Variants in AXDND1 observed in about 807,000 individuals in gnomAD.
The protein encoded by AXDND1 is axonemal dynein light chain domain containing 1, also known as axonemal dynein light chain domain-containing protein 1.
A neutral mutation model predicts 137.5 loss-of-function variants in AXDND1; 110 were observed. That is an observed-to-expected ratio of 0.80 (90% CI 0.69 to 0.94). AXDND1 has a LOEUF of 0.94. Ranked by LOEUF, AXDND1 falls within the 40% of genes least tolerant of loss-of-function variation. The pLI is 0.00. For synonymous variants in AXDND1, 414 were observed against 399.7 expected (o/e 1.04, Z -0.43); for missense variants, 1,191 against 1,169.8 (o/e 1.02, Z -0.26).
intron 16 of AXDND1, among the ~76,000 whole-genome samples, chr1:179,466,285 C>CTTTT (rs143320609): frequency 2.3e-5 from 2 of 87,800 alleles, no homozygotes; most frequent in East Asian, 3.2e-4. Flanking sequence ...TCTTCTTCTT[C>CTTTT]TTTTTTTTTT....
intron 11 of AXDND1, among the ~76,000 whole-genome samples, chr1:179,401,895 C>T (rs531445099): frequency 1.2e-4 from 18 of 152,040 alleles, no homozygotes; most frequent in African/African-American, 4.1e-4. Context: ...GTCTCGGGGC[C>T]GGGCAAGGTG....
chr1:179,449,006 C>T, intron 16 of AXDND1: 1 of 330,080 alleles, frequency 3.0e-6, no homozygotes, highest in South Asian at 2.2e-5. Context: ...CCCACCTCAA[C>T]CTCTGAGTAG....
chr1:179,383,652 C>G, intron 8 of AXDND1, 108 bp downstream of exon 8: 1 of 759,590 alleles, frequency 1.3e-6, no homozygotes, highest in Admixed American at 2.5e-5. Context: ...TGGCCTTGGA[C>G]AAGTCATTTA....
intron 17 of AXDND1, among the ~76,000 whole-genome samples, chr1:179,481,858 T>G (rs1438189561): frequency 4.6e-5 from 7 of 152,216 alleles, no homozygotes; most frequent in Non-Finnish European, 1.0e-4. Context: ...TTGGAAAGAA[T>G]AATTCCTGAG....
chr1:179,523,639 C>G lies in AXDND1; in HGVS notation c.2497-1695C>G, dbSNP rs924408315. ...GTAAATGGAATTATATAATATGTGG[C>G]CTTTTGTGCTTATTTCCCTTAGCAT... On this transcript the variant is annotated intron_variant, in intron 21 of 25. Transcript: ENST00000367618. Among the ~76,000 whole-genome samples, 4 of 152,220 alleles carry G rather than the reference C, an allele frequency of 2.6e-5. No homozygotes were observed. In the South Asian group the frequency reaches 6.2e-4, roughly 24 times the overall value.
chr1:179,508,596 A>G (rs1323280191), intron 20 of AXDND1, among the ~76,000 whole-genome samples: 4 of 152,168 alleles, frequency 2.6e-5, no homozygotes, highest in African/African-American at 9.6e-5. Context: ...TTAACTATTT[A>G]CCTTAGGGGA....
chr1:179,401,142 C>A (rs1303730811), intron 11 of AXDND1, among the ~76,000 whole-genome samples: 3 of 150,790 alleles, frequency 2.0e-5, no homozygotes, highest in African/African-American at 7.3e-5. Flanking sequence ...CCTGTAATCC[C>A]AGCTACTTGG....
At chr1:179,397,135 C>T (rs956850048) in intron 11 of AXDND1, among the ~76,000 whole-genome samples, 3 of 152,154 alleles carry the variant, frequency 2.0e-5, no homozygotes, top group Admixed American at 6.6e-5. Context: ...TCTTTCCTTT[C>T]CATATTTAGT....
At chr1:179,495,870 T>C (rs1490513716) in intron 20 of AXDND1, among the ~76,000 whole-genome samples, 1 of 151,278 alleles carries the variant, frequency 6.6e-6, no homozygotes, top group Non-Finnish European at 1.5e-5. Flanking sequence ...AGGAAATTCT[T>C]CTTTATTTCA....
chr1:179,385,965 C>G (rs1649131830), intron 9 of AXDND1, among the ~76,000 whole-genome samples: 2 of 151,892 alleles, frequency 1.3e-5, no homozygotes, highest in African/African-American at 4.8e-5. Flanking sequence ...TGCATTGTTT[C>G]CAGTGAGAAA....
chr1:179,535,057 T>C (rs757326843), intron 25 of AXDND1, 95 bp downstream of exon 25: 2 of 1,561,170 alleles, frequency 1.3e-6, no homozygotes, highest in Non-Finnish European at 1.8e-6. Flanking sequence ...TTAATATATT[T>C]GGTGCTAATC....
At chr1:179,499,062 A>G (rs748421178) in intron 20 of AXDND1, among the ~76,000 whole-genome samples, 2 of 152,152 alleles carry the variant, frequency 1.3e-5, no homozygotes. Flanking sequence ...AGTTCAACAC[A>G]GCAATCCCAT....
chr1:179,552,949 G>A (rs1558339770), intron 25 of AXDND1, among the ~76,000 whole-genome samples: 1 of 152,184 alleles, frequency 6.6e-6, no homozygotes, highest in Non-Finnish European at 1.5e-5. Flanking sequence ...TTGATGAGCT[G>A]TGCTCAGTTT....
chr1:179,405,611 T>G (rs1393286858), intron 11 of AXDND1, among the ~76,000 whole-genome samples: 3 of 152,192 alleles, frequency 2.0e-5, no homozygotes, highest in Non-Finnish European at 4.4e-5. Context: ...TTTTGTAGGT[T>G]TTATGTGTTC....
chr1:179,509,226 C>T (rs1668798995), intron 20 of AXDND1, 70 bp from the exon 21 acceptor site: 2 of 897,984 alleles, frequency 2.2e-6, no homozygotes, highest in African/African-American at 3.4e-5. Flanking sequence ...TTGTATTTAT[C>T]AGTTCCTCAA....
chr1:179,411,805 C>T (rs1433713621), intron 12 of AXDND1, among the ~76,000 whole-genome samples: 17 of 151,750 alleles, frequency 1.1e-4, no homozygotes, highest in Admixed American at 1.1e-3. Context: ...TCTCTTCATA[C>T]AAGGTGACCA....
intron 21 of AXDND1, among the ~76,000 whole-genome samples, chr1:179,524,083 C>T (rs1188586770): frequency 1.3e-5 from 2 of 152,054 alleles, no homozygotes; most frequent in African/African-American, 4.8e-5. Flanking sequence ...TCTTTATTCA[C>T]TCATTGATTG....
At chr1:179,388,161 C>G (rs757416385) in intron 9 of AXDND1, among the ~76,000 whole-genome samples, 1 of 152,188 alleles carries the variant, frequency 6.6e-6, no homozygotes, top group East Asian at 1.9e-4. Flanking sequence ...AGGGATCACT[C>G]TCTTTCATTG....
intron 11 of AXDND1, among the ~76,000 whole-genome samples, chr1:179,403,243 T>C (rs1453957477): frequency 6.6e-6 from 1 of 152,224 alleles, no homozygotes; most frequent in Non-Finnish European, 1.5e-5. Context: ...TATAGTACTG[T>C]ACTGTATTCA....
Sources: gnomAD v4.1 joint callset for allele counts (sites outside exome capture counted in the v4.1 genomes callset) on GRCh38, gnomAD v4.1.1 for gene constraint, MANE v1.5 for transcripts, NCBI Gene and HGNC (gene_info 2026-07-23, HGNC 2026-07-21) for gene names.